The following ZNF208 variants were observed in gnomAD, a reference collection of about 807,000 sequenced individuals.
ZNF208 encodes the protein zinc finger protein 95.
In ZNF208, 10 loss-of-function variants were observed where a neutral mutation model predicts 12.1. That is an observed-to-expected ratio of 0.83 (90% CI 0.51 to 1.40). The LOEUF (loss-of-function observed/expected upper bound fraction) is 1.40, where lower values mean the gene tolerates loss of function less well. ZNF208 is among the 40% of genes most tolerant of loss of function. The pLI is 0.00. For synonymous variants in ZNF208, 497 were observed against 488.4 expected, an observed-to-expected ratio of 1.02 and a Z score of -0.23; for missense variants, 1,652 against 1,485.0, an observed-to-expected ratio of 1.11 and a Z score of -1.85.
chr19:21,972,068 G>C lies in ZNF208; in HGVS notation c.2966C>G (p.Thr989Ser), dbSNP rs142000057. ...GKGFSTFSIL[T>S]KHKVIHTGEK... ...TCCAGTATGAATTACCTTATGTTTAGTAAGGATTGAGAATGTACTAAAGCC... is the reference window on the plus strand; with the variant it reads ...TCCAGTATGAATTACCTTATGTTTACTAAGGATTGAGAATGTACTAAAGCC... Residue 989 changes from threonine to serine, a missense_variant, in exon 4 of 4, where the codon ACT becomes AGT. By Grantham distance (58) the Thr-to-Ser change is moderately conservative. This residue lies in a region of ZNF208 where 1,239 missense variants were observed against 1,086.2 expected (regional missense o/e 1.14). Transcript: ENST00000397126. 6.8e-6 allele frequency: 11 copies of C among 1,613,052 alleles called. No homozygotes were observed. In the East Asian group the frequency reaches 1.6e-4, roughly 23 times the overall value.
In ZNF208 at chr19:21,973,302, C is replaced by G. The variant is rs1248336948; in HGVS notation, c.1732G>C (p.Glu578Gln). The G allele has an allele frequency of 1.2e-6, 2 of 1,610,430 alleles. No individual in the cohort carries two copies. The highest frequency in any genetic ancestry group is 1.7e-6 in the Non-Finnish European group (2 of 1,178,524). The change falls in exon 4 of 4, where the codon GAG (glutamate) becomes CAG (glutamine). Residue 578 changes from glutamate to glutamine, a missense_variant. By Grantham distance (29) the Glu-to-Gln change is conservative. Around this residue, in one of 3 missense-constraint regions of ZNF208, gnomAD observed 1,239 missense variants for 1,086.2 expected, o/e 1.14. Transcript: ENST00000397126. The stretch of plus-strand genomic sequence containing the variant: ...CATTCTTCACATTTGTAGGGTTTCT[C>G]TACAGTATGAATTTTCTTATGATAA... ...LSYHKKIHTV[E>Q]KPYKCEECGK... is the part of the protein sequence containing the mutation.
rs1271104312 is a variant in ZNF208, at chr19:21,969,607, T to C, written c.*1584A>G. Among the ~76,000 whole-genome samples, 2 of 152,176 alleles carry C rather than the reference T, an allele frequency of 1.3e-5. No homozygotes were observed. Among genetic ancestry groups the C allele is most frequent in the African/African-American group, 4.8e-5 (2 of 41,450 alleles). On this transcript the variant is annotated 3_prime_UTR_variant, in exon 4 of 4. Coordinates refer to ENST00000397126, the MANE Select transcript of ZNF208 (RefSeq NM_007153.3). Reference sequence around the variant, plus strand: ...GTTTTTGAAAAAATGTTTTTCCAAATTTATTAAATTTGCAGGGTTATTCTT... The same window carrying C: ...GTTTTTGAAAAAATGTTTTTCCAAACTTATTAAATTTGCAGGGTTATTCTT...
intron 1 of ZNF208, among the ~76,000 whole-genome samples, chr19:21,994,044 T>C (rs1193403853): frequency 6.6e-6 from 1 of 152,238 alleles, no homozygotes; most frequent in Non-Finnish European, 1.5e-5. Flanking sequence ...GGACCCAGCA[T>C]TTTTATTTCT....
chr19:21,941,542 GTT>G (rs5827514), intron 4 of ZNF208: 7 of 383,762 alleles, frequency 1.8e-5, no homozygotes, highest in Non-Finnish European at 2.7e-5. Flanking sequence ...AAAGTTATTT[GTT>G]TTTTTTTAAA....
downstream of ZNF208, among the ~76,000 whole-genome samples, chr19:21,962,207 G>A (rs150917688): frequency 4.3e-4 from 65 of 152,176 alleles, no homozygotes; most frequent in African/African-American, 1.5e-3. Flanking sequence ...TCCATTTGGG[G>A]TCCTTGACTT....
intron 4 of ZNF208, among the ~76,000 whole-genome samples, chr19:21,959,897 A>T (rs1970037087): frequency 6.6e-6 from 1 of 152,124 alleles, no homozygotes; most frequent in Non-Finnish European, 1.5e-5. Context: ...TTCTGTAAAA[A>T]ATGTTTCTTA....
chr19:21,964,303 AAC>A (rs1970127238), downstream of ZNF208, among the ~76,000 whole-genome samples: 1 of 151,862 alleles, frequency 6.6e-6, no homozygotes, highest in Non-Finnish European at 1.5e-5. Context: ...AAATATCATG[AAC>A]AGTCAGAACC....
At chr19:21,980,449 C>A (rs542612233) in intron 3 of ZNF208, among the ~76,000 whole-genome samples, 1 of 152,258 alleles carries the variant, frequency 6.6e-6, no homozygotes, top group South Asian at 2.1e-4. Context: ...GGAAACTGAA[C>A]AACCTGCTCC....
chr19:21,971,560 A>C lies in ZNF208; in HGVS notation c.3474T>G (p.Tyr1158Ter), dbSNP rs1205452794. 6.3e-7 allele frequency: 1 copy of C among 1,587,902 alleles called. No homozygotes were observed. The change falls in exon 4 of 4, where the codon TAT (tyrosine) becomes TAG (stop). Residue 1158 changes from tyrosine to a stop codon, truncating the protein, a stop_gained. Coordinates refer to ENST00000397126, the MANE Select transcript of ZNF208 (RefSeq NM_007153.3). LOFTEE classifies it low-confidence loss of function (END_TRUNC). ...KAYKWSSTLS[Y>*]HKKIHTVEKP... is the part of the protein sequence containing the mutation. ...TCTCTACAGTATGAATTTTCTTATG[A>C]TAACTAAGGGTTGAGGACCACTTAT...
chr19:21,989,373 T>C (rs1346395985), intron 1 of ZNF208, among the ~76,000 whole-genome samples: 5 of 150,038 alleles, frequency 3.3e-5, no homozygotes, highest in Non-Finnish European at 6.0e-5. Flanking sequence ...TTACTGAGAA[T>C]GTTCCAATTT....
intron 4 of ZNF208, among the ~76,000 whole-genome samples, chr19:21,956,773 C>G (rs1347417593): frequency 3.3e-5 from 5 of 152,200 alleles, no homozygotes; most frequent in Non-Finnish European, 7.3e-5. Flanking sequence ...TTACCCCAAC[C>G]CCTTGCACTT....
chr19:21,969,542 CAT>C lies in ZNF208; in HGVS notation c.*1647_*1648del, dbSNP rs1051104504. Among the ~76,000 whole-genome samples, 1 of 152,084 alleles carries C rather than the reference CAT, an allele frequency of 6.6e-6. No homozygotes were observed. The highest frequency in any genetic ancestry group is 1.5e-5 in the Non-Finnish European group (1 of 68,000). On this transcript the variant is annotated 3_prime_UTR_variant, in exon 4 of 4. Transcript: ENST00000397126. ...TTTATATTTACTGTATCTGCAAAAA[CAT>C]ATTTTAGTATAAACGCATTTGTGTT... is the stretch of plus-strand genomic sequence containing the variant.
intron 4 of ZNF208, among the ~76,000 whole-genome samples, chr19:21,942,490 T>C (rs1329909957): frequency 3.9e-5 from 6 of 152,192 alleles, no homozygotes; most frequent in Non-Finnish European, 8.8e-5. Flanking sequence ...GCTAATCCCA[T>C]AGGTTTATTA....
chr19:21,992,943 G>A (rs1334783617), intron 1 of ZNF208, among the ~76,000 whole-genome samples: 2 of 151,988 alleles, frequency 1.3e-5, no homozygotes, highest in African/African-American at 4.8e-5. Context: ...AAAAAGAAAA[G>A]GCCATTTTTT....
chr19:21,984,282 C>T (rs183716100), intron 3 of ZNF208, among the ~76,000 whole-genome samples: 12 of 152,184 alleles, frequency 7.9e-5, no homozygotes, highest in East Asian at 1.9e-4. Flanking sequence ...ATGCCAGGTG[C>T]GGTGGCTCAT....
intron 1 of ZNF208, 66 bp from the exon 2 acceptor site, chr19:21,988,975 T>C: frequency 6.2e-7 from 1 of 1,600,420 alleles, no homozygotes; most frequent in Non-Finnish European, 8.5e-7. Flanking sequence ...TGACTCAAGG[T>C]AAAATGCAGA....
chr19:21,980,238 C>G (rs1333098755), intron 3 of ZNF208, among the ~76,000 whole-genome samples: 2 of 152,140 alleles, frequency 1.3e-5, no homozygotes, highest in Non-Finnish European at 2.9e-5. Context: ...AAATAGACAT[C>G]TACAGGACTC....
chr19:21,958,694 T>G (rs896741400), intron 4 of ZNF208, among the ~76,000 whole-genome samples: 1 of 151,966 alleles, frequency 6.6e-6, no homozygotes, highest in Non-Finnish European at 1.5e-5. Context: ...CATAAACACA[T>G]GTTTCTTCTG....
intron 1 of ZNF208, among the ~76,000 whole-genome samples, chr19:22,002,440 G>A (rs8108807): frequency 0.59 from 89,091 of 151,802 alleles, 26,387 homozygotes; most frequent in East Asian, 0.69. Context: ...TCTACATCTG[G>A]AAACCCATAT....
Sources: gnomAD v4.1 joint callset for allele counts (sites outside exome capture counted in the v4.1 genomes callset) on GRCh38, gnomAD v4.1.1 for gene constraint, gnomAD v4.1.1 regional missense constraint, MANE v1.5 for transcripts, NCBI Gene and HGNC (gene_info 2026-07-23, HGNC 2026-07-21) for gene names.